Variants in IQGAP3 observed in about 807,000 individuals in gnomAD.
IQGAP3 encodes IQ motif containing GTPase activating protein 3.
A neutral mutation model predicts 208.2 loss-of-function variants in IQGAP3; 165 were observed. The observed-to-expected ratio is 0.79, with a 90% CI of 0.70 to 0.90. The LOEUF is 0.90. Ranked by LOEUF, IQGAP3 falls within the 40% of genes least tolerant of loss-of-function variation. IQGAP3 has a pLI of 0.00. For missense variants in IQGAP3, 1,811 were observed against 2,043.1 expected (o/e 0.89, Z 2.19); for synonymous variants, 703 against 803.6 (o/e 0.87, Z 2.12).
chr1:156,527,508 GCAA>G (rs761864261), intron 37 of IQGAP3, among the ~76,000 whole-genome samples: 8 of 151,958 alleles, frequency 5.3e-5, no homozygotes, highest in African/African-American at 1.4e-4. Context: ...ACCCAAAAAA[GCAA>G]CAACAACAAC....
chr1:156,538,871 T>C lies in IQGAP3; in HGVS notation c.3219A>G (p.Thr1073=). 6.2e-7 allele frequency: 1 copy of C among 1,614,196 alleles called. No individual in the cohort carries two copies. Among genetic ancestry groups the C allele is most frequent in the East Asian group, 2.2e-5 (1 of 44,882 alleles). Residue 1073 remains threonine (T), a synonymous_variant, in exon 26 of 38, where the codon ACA becomes ACG. Coordinates refer to ENST00000361170, the MANE Select transcript of IQGAP3 (RefSeq NM_178229.5). The part of the protein sequence containing the change: ...VLEDKVLSVH[T]DPVHLYKNWI... Reference sequence around the variant, plus strand: ...AGTTCTTATAGAGGTGGACAGGGTCTGTGTGGACGCTGAGCACTTTGTCTT... The same window carrying C: ...AGTTCTTATAGAGGTGGACAGGGTCCGTGTGGACGCTGAGCACTTTGTCTT...
At chr1:156,553,495 CT>C (rs1232625474) in intron 13 of IQGAP3, among the ~76,000 whole-genome samples, 1 of 152,152 alleles carries the variant, frequency 6.6e-6, no homozygotes, top group South Asian at 2.1e-4. Flanking sequence ...AACAGAAAAA[CT>C]GTCCCTACTA....
At chr1:156,541,348 G>A (rs1674966137) in intron 22 of IQGAP3, among the ~76,000 whole-genome samples, 1 of 151,900 alleles carries the variant, frequency 6.6e-6, no homozygotes, top group African/African-American at 2.4e-5. Context: ...TGCTCCCACA[G>A]TGCTCCTCTG....
chr1:156,541,035 A>T, intron 22 of IQGAP3, 119 bp from the exon 23 acceptor site: 1 of 746,584 alleles, frequency 1.3e-6, no homozygotes, highest in East Asian at 2.7e-5. Flanking sequence ...CAGGTCCCCA[A>T]CCCCAGTCCT....
chr1:156,563,532 A>G, intron 7 of IQGAP3, 21 bp downstream of exon 7: 1 of 1,594,652 alleles, frequency 6.3e-7, no homozygotes, highest in Non-Finnish European at 8.6e-7. Flanking sequence ...TACTCCTGGC[A>G]GGGCAGAGCC....
At chr1:156,562,806 G>A (rs1676220268) in intron 8 of IQGAP3, 141 bp from the exon 9 acceptor site, 3 of 800,798 alleles carry the variant, frequency 3.7e-6, no homozygotes, top group Non-Finnish European at 6.3e-6. Flanking sequence ...TTCAGGAATT[G>A]TGGGGTCTAA....
chr1:156,544,760 T>C (rs958869987), intron 19 of IQGAP3, among the ~76,000 whole-genome samples: 4 of 151,962 alleles, frequency 2.6e-5, no homozygotes, highest in Non-Finnish European at 4.4e-5. Flanking sequence ...GAAACTCAAC[T>C]ATAAGATACA....
At chr1:156,569,966 G>A (rs1676575626) in intron 1 of IQGAP3, among the ~76,000 whole-genome samples, 1 of 152,116 alleles carries the variant, frequency 6.6e-6, no homozygotes, top group African/African-American at 2.4e-5. Context: ...TTCCTCTGTA[G>A]CCATCTTCCT....
In IQGAP3 at chr1:156,525,729, CAAAAAAAAAAAAAAAAAA is replaced by C. The variant is rs10611202; in HGVS notation, c.*739_*756del. 3.7e-5 allele frequency: 3 copies of C among 80,412 alleles called. No individual in the cohort carries two copies. Among genetic ancestry groups the C allele is most frequent in the Non-Finnish European group, 6.6e-5 (3 of 45,226 alleles). The allele number at this position is 80,412 out of a possible 1,614,324, so 5.0% of individuals were successfully genotyped here. A position where few individuals can be genotyped will look rare whatever the true frequency, so the allele number is the denominator to read the frequency against. On this transcript the variant is annotated 3_prime_UTR_variant, in exon 38 of 38. Transcript: ENST00000361170. Reference sequence around the variant, plus strand: ...GGAAAATGAGAACTCTCTTTGAGCTCAAAAAAAAAAAAAAAAAAAAAAAAATGAAAGCGTTAAAACCCT... The same window carrying C: ...GGAAAATGAGAACTCTCTTTGAGCTCAAAAAAATGAAAGCGTTAAAACCCT...
In IQGAP3 at chr1:156,556,728, G is replaced by A. The variant is rs377296276; in HGVS notation, c.1130-35C>T. On this transcript the variant is annotated intron_variant, in intron 11 of 37. Transcript: ENST00000361170. ...AGGAGAGCAACAGGTTGTACTGGCCGGGCATTCAGTGGCATCTCCACTCTC... is the reference window on the plus strand; with the variant it reads ...AGGAGAGCAACAGGTTGTACTGGCCAGGCATTCAGTGGCATCTCCACTCTC... 457 of 1,478,770 alleles carry A rather than the reference G, an allele frequency of 3.1e-4. 1 individual carries two copies. The African/African-American group carries it at 3.5e-3, about 11-fold the overall frequency. The allele number at this position is 1,478,770 out of a possible 1,614,324, so 91.6% of individuals were successfully genotyped here. A position where few individuals can be genotyped will look rare whatever the true frequency, so the allele number is the denominator to read the frequency against.
chr1:156,547,388 GAC>G (rs61344699), intron 19 of IQGAP3, among the ~76,000 whole-genome samples: 9,085 of 147,366 alleles, frequency 0.062, 365 homozygotes, highest in African/African-American at 0.12. Flanking sequence ...CAGACACACA[GAC>G]ACACACACAC....
At position 156,535,225 on chromosome 1, in the gene IQGAP3, T is replaced by C. The variant is rs918449874; in HGVS notation, c.3445A>G (p.Lys1149Glu). The part of the protein sequence containing the change: ...QIPYGMRYVA[K>E]VLKATLAEKF... ...TCTGCCAGAGTTGCCTTCAGGACTTTGGCCACATATCGCATCCCATACCTG... is the reference window on the plus strand; with the variant it reads ...TCTGCCAGAGTTGCCTTCAGGACTTCGGCCACATATCGCATCCCATACCTG... Residue 1149 changes from lysine (K) to glutamate (E), a missense_variant, in exon 28 of 38, where the codon AAA (lysine) becomes GAA (glutamate). Lys to Glu is a moderately conservative substitution (Grantham distance 56). Transcript: ENST00000361170. 2 of 1,613,146 alleles carry C rather than the reference T, an allele frequency of 1.2e-6. No homozygotes were observed. The highest frequency in any genetic ancestry group is 1.3e-5 in the African/African-American group (1 of 74,854).
In IQGAP3 at chr1:156,569,451, G is replaced by T; in HGVS notation, c.50C>A (p.Thr17Lys). The change falls in exon 2 of 38, where the codon ACA becomes AAA. Residue 17 changes from threonine to lysine, a missense_variant. Thr to Lys is a moderately conservative substitution (Grantham distance 78). Transcript: ENST00000361170. ...CCTCTGCTCATCCATCTCCTCAGCT[G>T]TGAGGCGTTCATCTGAGGAGTTAAA... is the stretch of plus-strand genomic sequence containing the variant. ...GPGWAAYERL[T>K]AEEMDEQRRQ... The T allele has an allele frequency of 6.2e-7, 1 of 1,610,526 alleles. No homozygotes were observed. The highest frequency in any genetic ancestry group is 8.5e-7 in the Non-Finnish European group (1 of 1,178,172).
At chr1:156,571,463 G>T (rs941780562) in intron 1 of IQGAP3, among the ~76,000 whole-genome samples, 2 of 152,068 alleles carry the variant, frequency 1.3e-5, no homozygotes, top group Non-Finnish European at 2.9e-5. Context: ...AAACACATGC[G>T]TGCACACACA....
intron 22 of IQGAP3, among the ~76,000 whole-genome samples, chr1:156,542,176 T>C (rs914411977): frequency 6.6e-6 from 1 of 152,124 alleles, no homozygotes; most frequent in African/African-American, 2.4e-5. Context: ...CTGGCTACAG[T>C]AGGGGAACAA....
intron 22 of IQGAP3, among the ~76,000 whole-genome samples, chr1:156,541,191 G>T (rs1674960202): frequency 6.6e-6 from 1 of 151,928 alleles, no homozygotes; most frequent in Non-Finnish European, 1.5e-5. Context: ...GTCTATCCCA[G>T]GGACCTCTGA....
chr1:156,537,274 TC>T lies in IQGAP3; in HGVS notation c.3328del (p.Glu1110ArgfsTer16). The T allele has an allele frequency of 6.2e-7, 1 of 1,613,974 alleles. No individual in the cohort carries two copies. The highest frequency in any genetic ancestry group is 8.5e-7 in the Non-Finnish European group (1 of 1,179,930). On this transcript the variant is annotated frameshift_variant, in exon 27 of 38. Coordinates refer to ENST00000361170, the MANE Select transcript of IQGAP3 (RefSeq NM_178229.5). LOFTEE classifies it high-confidence loss of function. ...GGCGATGTCCAGTCGTCTCTGGACC[TC>T]GGGGTGGCTCAAGGCCTGCTCCGGG... is the stretch of plus-strand genomic sequence containing the variant. Reference protein sequence around the residue: ...VTPEQALSHPEVQRRLDIALR... With the variant: ...VTPEQALSHPXVQRRLDIALR...
At chr1:156,527,237 T>C (rs1674124756) in intron 37 of IQGAP3, among the ~76,000 whole-genome samples, 1 of 151,314 alleles carries the variant, frequency 6.6e-6, no homozygotes. Flanking sequence ...ATCCCAGCAT[T>C]TTGGGAGGCT....
intron 11 of IQGAP3, among the ~76,000 whole-genome samples, chr1:156,556,931 C>CATGTAACACAGAGTGG (rs768742842): frequency 0.55 from 36,003 of 65,718 alleles, 17,317 homozygotes; most frequent in Non-Finnish European, 0.64. Context: ...AGTAGCTCAG[C>CATGTAACACAGAGTGG]CTCTGCCCCG....
Sources: gnomAD v4.1 joint callset for allele counts (sites outside exome capture counted in the v4.1 genomes callset) on GRCh38, gnomAD v4.1.1 for gene constraint, MANE v1.5 for transcripts, NCBI Gene and HGNC (gene_info 2026-07-23, HGNC 2026-07-21) for gene names.